The following TOPAZ1 variants were observed in gnomAD, a reference collection of about 807,000 sequenced individuals.
The protein encoded by TOPAZ1 is protein TOPAZ1.
In TOPAZ1, 66 loss-of-function variants were observed where a neutral mutation model predicts 172.2. That is an observed-to-expected ratio of 0.38 (90% CI 0.31 to 0.47). TOPAZ1 has a LOEUF of 0.47. Among genes scored for constraint, TOPAZ1 ranks in the 20% least tolerant of loss-of-function variants. The pLI is 0.99. For synonymous variants in TOPAZ1, 681 were observed against 683.9 expected (o/e 1.00, Z 0.07); for missense variants, 1,822 against 1,972.4 (o/e 0.92, Z 1.44).
intron 3 of TOPAZ1, among the ~76,000 whole-genome samples, chr3:44,255,651 C>CAAAAAA (rs10663255): frequency 0.014 from 1,174 of 86,164 alleles, 76 homozygotes; most frequent in East Asian, 0.042. Flanking sequence ...GACTCTGTCT[C>CAAAAAA]AAAAAAAAAA....
chr3:44,281,435 A>T (rs1700022783), intron 8 of TOPAZ1, among the ~76,000 whole-genome samples: 1 of 152,184 alleles, frequency 6.6e-6, no homozygotes, highest in South Asian at 2.1e-4. Flanking sequence ...TTCTTTTGTA[A>T]TATTGACTTT....
At chr3:44,285,355 G>T (rs1157615891) in intron 9 of TOPAZ1, among the ~76,000 whole-genome samples, 3 of 151,870 alleles carry the variant, frequency 2.0e-5, no homozygotes, top group African/African-American at 7.3e-5. Context: ...AGTCCCAACT[G>T]CTTGGGAGGC....
chr3:44,313,985 T>C (rs1700424958), intron 16 of TOPAZ1, among the ~76,000 whole-genome samples: 1 of 152,224 alleles, frequency 6.6e-6, no homozygotes, highest in Non-Finnish European at 1.5e-5. Context: ...ATTTTTCTTA[T>C]CTCTCTGCTA....
intron 5 of TOPAZ1, among the ~76,000 whole-genome samples, chr3:44,263,812 G>A (rs895723933): frequency 6.6e-6 from 1 of 152,152 alleles, no homozygotes; most frequent in Admixed American, 6.5e-5. Context: ...CAGCTCTGAA[G>A]TACTTCTCTC....
At chr3:44,293,207 A>G (rs1334132077) in intron 12 of TOPAZ1, among the ~76,000 whole-genome samples, 1 of 152,356 alleles carries the variant, frequency 6.6e-6, no homozygotes, top group East Asian at 1.9e-4. Flanking sequence ...AACTATGTAC[A>G]GTACATAACA....
chr3:44,296,493 C>G (rs1700196396), intron 12 of TOPAZ1, among the ~76,000 whole-genome samples: 1 of 150,894 alleles, frequency 6.6e-6, no homozygotes, highest in Admixed American at 6.6e-5. Context: ...AGTACAGTTA[C>G]TGCAGCCATT....
chr3:44,282,320 T>C (rs969259980), intron 9 of TOPAZ1, among the ~76,000 whole-genome samples: 2 of 152,230 alleles, frequency 1.3e-5, no homozygotes, highest in African/African-American at 4.8e-5. Context: ...TAACTCTATC[T>C]AAAGGGATTT....
chr3:44,332,439 A>G (rs1030072992), downstream of TOPAZ1, among the ~76,000 whole-genome samples: 1 of 152,200 alleles, frequency 6.6e-6, no homozygotes, highest in African/African-American at 2.4e-5. Context: ...TAATAAAACA[A>G]TATTGAAAAT....
rs9850927 is a variant in TOPAZ1 at position 44,242,033 on chromosome 3, A to C, written c.-21A>C. On this transcript the variant is annotated 5_prime_UTR_variant, in exon 1 of 20. Transcript: ENST00000309765. ...CTGCGAGCTGGTGCAGAGGGGCCCC[A>C]GCGGGCCGGCCCCGGGGCACATGCG... The C allele has an allele frequency of 1.3e-6, 2 of 1,536,902 alleles. No homozygotes were observed. Among genetic ancestry groups the C allele is most frequent in the African/African-American group, 1.4e-5 (1 of 72,630 alleles).
At chr3:44,318,507 C>T (rs1405805413) in intron 16 of TOPAZ1, among the ~76,000 whole-genome samples, 2 of 24,592 alleles carry the variant, frequency 8.1e-5, no homozygotes, top group Admixed American at 5.4e-4. Flanking sequence ...GGGAGTGGGG[C>T]GGGGGAGGGT....
intron 8 of TOPAZ1, among the ~76,000 whole-genome samples, chr3:44,275,136 T>G (rs1265504395): frequency 1.3e-5 from 2 of 151,940 alleles, no homozygotes; most frequent in African/African-American, 2.4e-5. Context: ...TGAATCAAGA[T>G]CATAATGATC....
chr3:44,255,296 T>G (rs1699684647), intron 3 of TOPAZ1, among the ~76,000 whole-genome samples: 1 of 152,084 alleles, frequency 6.6e-6, no homozygotes, highest in Non-Finnish European at 1.5e-5. Flanking sequence ...TTTTGTCATC[T>G]TATTTTGAAA....
In TOPAZ1 at chr3:44,241,923, G is replaced by A. The variant is rs1699479932; in HGVS notation, c.-131G>A. The A allele has an allele frequency of 6.7e-6, 6 of 889,506 alleles. No homozygotes were observed. The highest frequency in any genetic ancestry group is 3.0e-5 in the Admixed American group (1 of 33,300). 55.1% of individuals were successfully genotyped at this position (889,506 alleles called of 1,614,324 possible). On this transcript the variant is annotated 5_prime_UTR_variant, in exon 1 of 20. Coordinates refer to ENST00000309765, the MANE Select transcript of TOPAZ1 (RefSeq NM_001145030.2). ...GCGCCCCACTTCCGCTTCCGGCCCC[G>A]GGCTGTGGTGACTGGCGGTGTGGGG...
At chr3:44,282,495 C>T (rs1341509684) in intron 9 of TOPAZ1, among the ~76,000 whole-genome samples, 2 of 152,180 alleles carry the variant, frequency 1.3e-5, no homozygotes, top group Non-Finnish European at 2.9e-5. Context: ...AGAGATGCCT[C>T]TGGTTCCATC....
chr3:44,301,937 T>G (rs960475176), intron 12 of TOPAZ1, among the ~76,000 whole-genome samples: 2 of 152,230 alleles, frequency 1.3e-5, no homozygotes, highest in African/African-American at 4.8e-5. Context: ...TGAGTCATCA[T>G]TTCTCTACAT....
At chr3:44,335,218 A>G (rs1257384664), downstream of TOPAZ1, among the ~76,000 whole-genome samples, 3 of 152,212 alleles carry the variant, frequency 2.0e-5, no homozygotes, top group African/African-American at 4.8e-5. Flanking sequence ...CCACAAAACC[A>G]TAAGAGTTCA....
chr3:44,276,624 CTTTT>C (rs762865769), intron 8 of TOPAZ1, among the ~76,000 whole-genome samples: 40 of 24,108 alleles, frequency 1.7e-3, no homozygotes, highest in African/African-American at 7.3e-3. Flanking sequence ...CAGCTTTGTT[CTTTT>C]TTTTTTTTTT....
chr3:44,302,789 G>A (rs548127692), intron 12 of TOPAZ1, among the ~76,000 whole-genome samples: 37 of 152,068 alleles, frequency 2.4e-4, no homozygotes, highest in Admixed American at 1.9e-3. Context: ...TGTGAATGAG[G>A]TTTTCTGTAT....
Position 44,243,928 on chromosome 3 carries a change from A to G in TOPAZ1, c.1422A>G (p.Ala474=), listed in dbSNP as rs190882072. ...CTTCACGGGAAGACTTAAGAAGTGC[A>G]TCTGAAGAATTGAAGTTAAGCTGTC... ...RRSSREDLRS[A]SEELKLSCQR... The change falls in exon 2 of 20, where the codon GCA becomes GCG. Residue 474 remains alanine (A), a synonymous_variant. Transcript: ENST00000309765. The G allele has an allele frequency of 2.6e-3, 4,018 of 1,552,348 alleles. 10 individuals are homozygous for G. Among genetic ancestry groups the G allele is most frequent in the Middle Eastern group, 3.7e-3 (22 of 5,998 alleles).
Sources: gnomAD v4.1 joint callset for allele counts (sites outside exome capture counted in the v4.1 genomes callset) on GRCh38, gnomAD v4.1.1 for gene constraint, MANE v1.5 for transcripts, NCBI Gene and HGNC (gene_info 2026-07-23, HGNC 2026-07-21) for gene names.